MYO3B: variants seen among roughly 807,000 people sequenced by gnomAD.
MYO3B encodes the protein myosin IIIB, also known as myosin-IIIb.
MYO3B carries 156 observed loss-of-function variants against 174.6 expected under a neutral mutation model. The observed-to-expected ratio is 0.89, with a 90% CI of 0.78 to 1.02. The LOEUF (loss-of-function observed/expected upper bound fraction) is 1.02, where lower values mean the gene tolerates loss of function less well. Ranked by LOEUF, MYO3B falls within the 50% of genes least tolerant of loss-of-function variation. The pLI is 0.00. For synonymous variants in MYO3B, 563 were observed against 569.1 expected (o/e 0.99, Z 0.15); for missense variants, 1,632 against 1,639.4 (o/e 1.00, Z 0.08).
chr2:170,251,553 T>A (rs1230736462), intron 7 of MYO3B, among the ~76,000 whole-genome samples: 2 of 152,148 alleles, frequency 1.3e-5, no homozygotes, highest in African/African-American at 2.4e-5. Context: ...ATGACTGGTG[T>A]CTTTATGGAA....
chr2:170,432,690 C>A (rs761933979), intron 22 of MYO3B, among the ~76,000 whole-genome samples: 6 of 151,860 alleles, frequency 4.0e-5, no homozygotes, highest in Non-Finnish European at 7.4e-5. Flanking sequence ...CATTCTCCTG[C>A]GTCAGCCTCC....
intron 8 of MYO3B, among the ~76,000 whole-genome samples, chr2:170,353,980 T>C (rs1001934617): frequency 1.3e-5 from 2 of 152,244 alleles, no homozygotes; most frequent in African/African-American, 4.8e-5. Flanking sequence ...CAATCATTCA[T>C]CGCATTATCT....
chr2:170,261,728 C>T (rs2093347337), intron 7 of MYO3B, among the ~76,000 whole-genome samples: 2 of 152,154 alleles, frequency 1.3e-5, no homozygotes, highest in Admixed American at 6.5e-5. Flanking sequence ...CATTGTTTCG[C>T]ATTGTTTCAT....
chr2:170,370,249 AT>A (rs959740534), intron 9 of MYO3B, among the ~76,000 whole-genome samples: 83 of 152,334 alleles, frequency 5.4e-4, no homozygotes, highest in African/African-American at 1.9e-3. Context: ...AGAAAATAAA[AT>A]ATCATAAGTT....
intron 25 of MYO3B, among the ~76,000 whole-genome samples, chr2:170,472,673 C>CTATTTATT (rs61295158): frequency 0.035 from 4,998 of 142,284 alleles, 119 homozygotes; most frequent in Middle Eastern, 0.085. Flanking sequence ...CACTTTTTAT[C>CTATTTATT]TATTTATTTA....
chr2:170,614,137 AC>A (rs1559160194), intron 32 of MYO3B, among the ~76,000 whole-genome samples: 1 of 152,148 alleles, frequency 6.6e-6, no homozygotes, highest in Admixed American at 6.5e-5. Flanking sequence ...ATGGGGCATA[AC>A]AAAGGGGGCA....
chr2:170,639,779 T>C (rs1195855966), intron 32 of MYO3B, among the ~76,000 whole-genome samples: 3 of 152,082 alleles, frequency 2.0e-5, no homozygotes, highest in African/African-American at 7.2e-5. Flanking sequence ...TACTACAACC[T>C]CCAGAAGAGC....
intron 23 of MYO3B, among the ~76,000 whole-genome samples, chr2:170,447,221 G>A (rs1310792241): frequency 6.6e-6 from 1 of 152,184 alleles, no homozygotes; most frequent in Non-Finnish European, 1.5e-5. Flanking sequence ...GACTCTATCA[G>A]CTCCAACACA....
chr2:170,566,085 G>A (rs1007115760), intron 32 of MYO3B, among the ~76,000 whole-genome samples: 2 of 152,094 alleles, frequency 1.3e-5, no homozygotes, highest in African/African-American at 4.8e-5. Context: ...ATATCAGTAG[G>A]TTATAGTACA....
At chr2:170,347,354 C>CT (rs2094024196) in intron 8 of MYO3B, among the ~76,000 whole-genome samples, 1 of 152,158 alleles carries the variant, frequency 6.6e-6, no homozygotes. Flanking sequence ...GTAATCCCAG[C>CT]ACTTTGGTAG....
intron 7 of MYO3B, among the ~76,000 whole-genome samples, chr2:170,259,591 T>G (rs2093329988): frequency 6.6e-6 from 1 of 152,050 alleles, no homozygotes; most frequent in Non-Finnish European, 1.5e-5. Flanking sequence ...CCTAAAACTA[T>G]AAAAATCCAA....
intron 14 of MYO3B, among the ~76,000 whole-genome samples, chr2:170,387,601 GC>G (rs1197166580): frequency 6.6e-6 from 1 of 152,028 alleles, no homozygotes; most frequent in African/African-American, 2.4e-5. Flanking sequence ...AAACCCTGAG[GC>G]CCCTTAAAAT....
chr2:170,179,835 G>A (rs555761614), intron 1 of MYO3B, among the ~76,000 whole-genome samples: 18 of 152,194 alleles, frequency 1.2e-4, no homozygotes, highest in Admixed American at 3.9e-4. Flanking sequence ...ATTTACTCAC[G>A]CTTGTATGGT....
At chr2:170,458,694 G>C (rs13384045) in intron 23 of MYO3B, among the ~76,000 whole-genome samples, 11,359 of 152,222 alleles carry the variant, frequency 0.075, 497 homozygotes, top group South Asian at 0.17. Flanking sequence ...GGCTGGCTTT[G>C]GAGCTCCGTG....
intron 16 of MYO3B, among the ~76,000 whole-genome samples, chr2:170,394,910 T>G (rs1036319312): frequency 2.6e-5 from 4 of 152,248 alleles, no homozygotes; most frequent in Non-Finnish European, 4.4e-5. Context: ...GAACTTTCTC[T>G]TAAGTTTTTC....
At chr2:170,620,114 C>T (rs1432904289) in intron 32 of MYO3B, among the ~76,000 whole-genome samples, 1 of 152,128 alleles carries the variant, frequency 6.6e-6, no homozygotes, top group South Asian at 2.1e-4. Flanking sequence ...AGGACTTTGG[C>T]TTTTACTCCA....
intron 32 of MYO3B, among the ~76,000 whole-genome samples, chr2:170,546,488 AG>A (rs1690490598): frequency 6.6e-6 from 1 of 152,270 alleles, no homozygotes; most frequent in Non-Finnish European, 1.5e-5. Flanking sequence ...AAATAGATAT[AG>A]TGTACTAGTG....
intron 9 of MYO3B, among the ~76,000 whole-genome samples, chr2:170,373,841 A>C (rs2094267078): frequency 6.6e-6 from 1 of 152,068 alleles, no homozygotes; most frequent in Non-Finnish European, 1.5e-5. Flanking sequence ...AAAAAAAAAA[A>C]AAACTTAGCA....
intron 7 of MYO3B, among the ~76,000 whole-genome samples, chr2:170,333,040 G>A (rs374549674): frequency 1.3e-5 from 2 of 152,126 alleles, no homozygotes; most frequent in African/African-American, 4.8e-5. Flanking sequence ...CTTTGGGGGT[G>A]AATGAAGTCT....
Sources: gnomAD v4.1 joint callset for allele counts (sites outside exome capture counted in the v4.1 genomes callset) on GRCh38, gnomAD v4.1.1 for gene constraint, MANE v1.5 for transcripts, NCBI Gene and HGNC (gene_info 2026-07-23, HGNC 2026-07-21) for gene names.